The following GLUD1 variants were observed in gnomAD, a reference collection of about 807,000 sequenced individuals.
GLUD1 encodes glutamate dehydrogenase 1, also known as glutamate dehydrogenase 1, mitochondrial.
A neutral mutation model predicts 56.0 loss-of-function variants in GLUD1; 22 were observed. The ratio of observed to expected loss-of-function variants is 0.39; its 90% CI spans 0.28 to 0.56. The LOEUF is 0.56. GLUD1 is among the 20% of genes least tolerant of loss of function. The pLI is 0.58. For synonymous variants in GLUD1, 223 were observed against 269.9 expected (o/e 0.83, Z 1.70); for missense variants, 451 against 732.0 (o/e 0.62, Z 4.43).
At chr10:87,063,436 A>C (rs946042220) in intron 5 of GLUD1, among the ~76,000 whole-genome samples, 17 of 152,182 alleles carry the variant, frequency 1.1e-4, no homozygotes, top group African/African-American at 2.4e-5. Context: ...AGTAAGTACA[A>C]ATAACATCAC....
At chr10:87,080,689 A>C (rs1841206158) in intron 1 of GLUD1, among the ~76,000 whole-genome samples, 2 of 123,296 alleles carry the variant, frequency 1.6e-5, no homozygotes, top group Non-Finnish European at 1.7e-5. Context: ...AAGGGAGGAG[A>C]CCCTCTGCCC....
At chr10:87,059,400 C>A (rs1437640693) in intron 9 of GLUD1, 127 bp from the exon 10 acceptor site, 4 of 918,512 alleles carry the variant, frequency 4.4e-6, no homozygotes, top group Non-Finnish European at 7.1e-6. Context: ...ATATTTTAGC[C>A]AGTATCAGGA....
intron 1 of GLUD1, among the ~76,000 whole-genome samples, chr10:87,088,513 C>CT (rs898976239): frequency 2.5e-4 from 38 of 152,100 alleles, no homozygotes; most frequent in African/African-American, 9.2e-4. Context: ...TTGGTTATTT[C>CT]TTTGCTCTTT....
chr10:87,080,079 A>G (rs1260526786), intron 1 of GLUD1, among the ~76,000 whole-genome samples: 2 of 151,668 alleles, frequency 1.3e-5, no homozygotes, highest in Non-Finnish European at 2.9e-5. Flanking sequence ...CTGCGATTGC[A>G]GGCGCGCGCC....
intron 5 of GLUD1, among the ~76,000 whole-genome samples, chr10:87,065,763 C>T (rs1273773011): frequency 6.6e-6 from 1 of 152,146 alleles, no homozygotes; most frequent in East Asian, 1.9e-4. Flanking sequence ...GGGCTATGTA[C>T]AGTTCTAGGT....
rs777733065 is a variant in GLUD1, at chr10:87,094,004, C to T, written c.445+321G>A. On this transcript the variant is annotated intron_variant, in intron 1 of 12. Coordinates refer to ENST00000277865, the MANE Select transcript of GLUD1 (RefSeq NM_005271.5). The surrounding 1 kb of genome is among the most constrained non-coding windows in gnomAD (Gnocchi z 6.6). ...TCCCTTTCCTAGAAGTGCATTTCGG[C>T]AGGACCCGCCGTGTGTGACACAGAC... The T allele has an allele frequency of 2.1e-6, 3 of 1,459,226 alleles. No homozygotes were observed. The South Asian group carries it at 3.6e-5, about 18-fold the overall frequency. 90.4% of individuals were successfully genotyped at this position (1,459,226 alleles called of 1,614,324 possible). A position where few individuals can be genotyped will look rare whatever the true frequency, so the allele number is the denominator to read the frequency against.
At chr10:87,079,919 T>G (rs991746720) in intron 1 of GLUD1, among the ~76,000 whole-genome samples, 2 of 17,154 alleles carry the variant, frequency 1.2e-4, no homozygotes, top group Admixed American at 4.6e-4. Flanking sequence ...CCCCTCCCCC[T>G]CTCCCTCCCC....
intron 1 of GLUD1, chr10:87,089,573 C>T (rs1045647547): frequency 1.0e-6 from 1 of 977,718 alleles, no homozygotes; most frequent in African/African-American, 1.8e-5. Flanking sequence ...TTGGTGAAGG[C>T]AGTTGACCTC....
intron 1 of GLUD1, among the ~76,000 whole-genome samples, chr10:87,086,832 GAAA>G (rs367807316): frequency 2.8e-5 from 2 of 70,442 alleles, no homozygotes; most frequent in African/African-American, 9.4e-5. Context: ...CCGTCTCAAA[GAAA>G]AAAAAAAAAA....
rs556143553 is a variant in GLUD1, at chr10:87,078,563, A to G, written c.446-1907T>C. On this transcript the variant is annotated intron_variant, in intron 1 of 12. Transcript: ENST00000277865. Reference sequence around the variant, plus strand: ...TGGTTCCTAACATAGAAAATGGCATATATTAGGCACTCAAATACATGCCGA... The same window carrying G: ...TGGTTCCTAACATAGAAAATGGCATGTATTAGGCACTCAAATACATGCCGA... Among the ~76,000 whole-genome samples the G allele has an allele frequency of 3.9e-5, 6 of 152,356 alleles. No homozygotes were observed. In the East Asian group the frequency reaches 9.6e-4, roughly 24 times the overall value.
rs898791518 is a variant in GLUD1 at position 87,051,200 on chromosome 10, A to C, written c.*551T>G. 1.1e-5 allele frequency: 2 copies of C among 179,984 alleles called. No homozygotes were observed. The highest frequency in any genetic ancestry group is 2.7e-5 in the Non-Finnish European group (2 of 74,914). The allele number at this position is 179,984 out of a possible 1,614,324, so 11.1% of individuals were successfully genotyped here. On this transcript the variant is annotated 3_prime_UTR_variant, in exon 13 of 13. Transcript: ENST00000277865. ...AATTTTATTACAGCAGCATGTACTTATTCTATTCTAAAAGAATAATATTCA... is the reference window on the plus strand; with the variant it reads ...AATTTTATTACAGCAGCATGTACTTCTTCTATTCTAAAAGAATAATATTCA...
intron 1 of GLUD1, among the ~76,000 whole-genome samples, chr10:87,083,285 T>C (rs1488856130): frequency 6.6e-6 from 1 of 151,078 alleles, no homozygotes; most frequent in African/African-American, 2.4e-5. Context: ...CTCAATGGAT[T>C]GGGAAAAATT....
chr10:87,067,511 C>A (rs1345591336), intron 5 of GLUD1, among the ~76,000 whole-genome samples: 1 of 152,234 alleles, frequency 6.6e-6, no homozygotes, highest in Admixed American at 6.5e-5. Flanking sequence ...TGGGAATGAG[C>A]CACTGCATCC....
At chr10:87,082,546 C>T (rs1394359360) in intron 1 of GLUD1, among the ~76,000 whole-genome samples, 1 of 152,176 alleles carries the variant, frequency 6.6e-6, no homozygotes, top group East Asian at 1.9e-4. Flanking sequence ...AAGAAAGTAC[C>T]AGCTTAGTGG....
intron 1 of GLUD1, among the ~76,000 whole-genome samples, chr10:87,082,890 C>T (rs964881846): frequency 1.6e-4 from 25 of 152,170 alleles, no homozygotes; most frequent in African/African-American, 5.8e-4. Flanking sequence ...AGATAACTAT[C>T]AAAAATATAC....
intron 1 of GLUD1, among the ~76,000 whole-genome samples, chr10:87,081,055 C>T (rs71503861): frequency 0.36 from 45,482 of 125,658 alleles, 8,573 homozygotes; most frequent in African/African-American, 0.48. Context: ...CCGCCCCGTC[C>T]GGGAGGGAGG....
At chr10:87,080,626 C>T (rs1241335469) in intron 1 of GLUD1, among the ~76,000 whole-genome samples, 10 of 151,094 alleles carry the variant, frequency 6.6e-5, no homozygotes, top group African/African-American at 2.2e-4. Flanking sequence ...TCTGCCCGGC[C>T]GCGACCCCGT....
intron 5 of GLUD1, among the ~76,000 whole-genome samples, chr10:87,065,852 A>T (rs1846062335): frequency 6.6e-6 from 1 of 152,120 alleles, no homozygotes; most frequent in African/African-American, 2.4e-5. Context: ...GCATAGGAGG[A>T]AATGGAGGCA....
At chr10:87,062,910 T>G in intron 5 of GLUD1, 75 bp from the exon 6 acceptor site, 1 of 1,319,554 alleles carries the variant, frequency 7.6e-7, no homozygotes. Context: ...TGAATTAAAG[T>G]CAAAGCACAT....
Sources: allele counts gnomAD v4.1 joint callset (sites outside exome capture counted in the v4.1 genomes callset), GRCh38; gene constraint gnomAD v4.1.1; non-coding constraint Gnocchi (gnomAD v3.1); transcripts MANE v1.5; gene names NCBI Gene and HGNC (gene_info 2026-07-23, HGNC 2026-07-21).